Variants in KRT80 observed in about 807,000 individuals in gnomAD.
KRT80 encodes keratin, type II cytoskeletal 80.
Under a neutral mutation model 51.5 loss-of-function variants are expected in KRT80, and 36 were observed. The ratio of observed to expected loss-of-function variants is 0.70; its 90% CI spans 0.54 to 0.92. The LOEUF is 0.92. Among genes scored for constraint, KRT80 ranks in the 40% least tolerant of loss-of-function variants. The probability of loss-of-function intolerance (pLI) is 0.00; values close to 1 mark genes in which losing one functional copy is unlikely to be tolerated. For missense variants in KRT80, 566 were observed against 591.7 expected (o/e 0.96, Z 0.45); for synonymous variants, 235 against 248.3 (o/e 0.95, Z 0.50).
chr12:52,175,318 C>T (rs978581488), intron 4 of KRT80, among the ~76,000 whole-genome samples: 25 of 152,298 alleles, frequency 1.6e-4, no homozygotes, highest in South Asian at 2.1e-4. Flanking sequence ...CAATGTTCAA[C>T]GTGCTTCTTC....
intron 2 of KRT80, among the ~76,000 whole-genome samples, chr12:52,182,895 C>T (rs1462382704): frequency 6.6e-6 from 1 of 152,196 alleles, no homozygotes; most frequent in Non-Finnish European, 1.5e-5. Context: ...ACACTGGGTT[C>T]CAGTCTGCAG....
chr12:52,174,397 C>T (rs1941181937), intron 4 of KRT80, among the ~76,000 whole-genome samples: 1 of 152,240 alleles, frequency 6.6e-6, no homozygotes, highest in African/African-American at 2.4e-5. Flanking sequence ...CTGTGAGGAG[C>T]CTGGGCGCAG....
At chr12:52,174,735 A>G (rs948582614) in intron 4 of KRT80, among the ~76,000 whole-genome samples, 21 of 152,162 alleles carry the variant, frequency 1.4e-4, no homozygotes, top group African/African-American at 2.2e-4. Context: ...TAGCGGATGG[A>G]GACAAGGGGC....
chr12:52,174,952 C>T (rs963120780), intron 4 of KRT80, among the ~76,000 whole-genome samples: 15 of 152,030 alleles, frequency 9.9e-5, no homozygotes, highest in East Asian at 5.8e-4. Flanking sequence ...CAAGGCGAGT[C>T]GACTGAGAAT....
chr12:52,172,525 G>A, intron 6 of KRT80, 107 bp from the exon 7 acceptor site: 1 of 1,000,638 alleles, frequency 1.0e-6, no homozygotes, highest in South Asian at 1.7e-5. Flanking sequence ...TGGGGAGGGA[G>A]GGCTGAGCAA....
Position 52,185,586 on chromosome 12 carries a change from A to G in KRT80, c.302T>C (p.Val101Ala). Residue 101 changes from valine (V) to alanine (A), a missense_variant and splice_region_variant, in exon 2 of 9, where the codon GTG becomes GCG. Transcript: ENST00000394815. ...CTGGTTGCGCTGTTCCAGGGCTTGC[A>G]CCTGGGAGAGCAGGAAGGCGGCGAA... Reference protein sequence around the residue: ...NDKFASLIGKVQALEQRNQLL... With the variant: ...NDKFASLIGKAQALEQRNQLL... 2.5e-6 allele frequency: 4 copies of G among 1,607,042 alleles called. No homozygotes were observed. The highest frequency in any genetic ancestry group is 3.4e-6 in the Non-Finnish European group (4 of 1,179,852).
intron 1 of KRT80, 46 bp downstream of exon 1, chr12:52,191,557 C>G (rs1438000266): frequency 6.6e-7 from 1 of 1,519,208 alleles, no homozygotes; most frequent in Non-Finnish European, 8.9e-7. Flanking sequence ...GCTACCGGCC[C>G]AGGCCTGGCA....
Position 52,171,724 on chromosome 12 carries a change from G to C in KRT80, c.1179-11C>G, listed in dbSNP as rs1941107609. ...GAGGGCGAGTCCATCCTGGGGGTGGGGGACGGGGGGGTGGGAGAGGGATAT... is the reference window on the plus strand; with the variant it reads ...GAGGGCGAGTCCATCCTGGGGGTGGCGGACGGGGGGGTGGGAGAGGGATAT... On this transcript the variant is annotated splice_polypyrimidine_tract_variant and intron_variant, in intron 7 of 8. Coordinates refer to ENST00000394815, the MANE Select transcript of KRT80 (RefSeq NM_182507.3). 1.4e-6 allele frequency: 2 copies of C among 1,463,260 alleles called. No individual in the cohort carries two copies. The highest frequency in any genetic ancestry group is 2.4e-5 in the South Asian group (2 of 82,348). 90.6% of individuals were successfully genotyped at this position (1,463,260 alleles called of 1,614,324 possible). A position where few individuals can be genotyped will look rare whatever the true frequency, so the allele number is the denominator to read the frequency against.
rs544344930 is a variant in KRT80, at chr12:52,191,892, C to T, written c.11G>A (p.Arg4His). ...GCTGCTGAAGCCAACCACGCAGGAG[C>T]GGCAGGCCATGGTGCCCCCGGCCGG... is the stretch of plus-strand genomic sequence containing the variant. MAC[R>H]SCVVGFSSLS... The change falls in exon 1 of 9, where the codon CGC (arginine) becomes CAC (histidine). Residue 4 changes from arginine to histidine, a missense_variant. By Grantham distance (29) the Arg-to-His change is conservative (BLOSUM62 0). Transcript: ENST00000394815. 3.2e-5 allele frequency: 48 copies of T among 1,482,122 alleles called. No individual in the cohort carries two copies. The highest frequency in any genetic ancestry group is 4.3e-4 in the Middle Eastern group (2 of 4,610). The allele number at this position is 1,482,122 out of a possible 1,614,324, so 91.8% of individuals were successfully genotyped here.
chr12:52,185,712 C>G, intron 1 of KRT80, 125 bp from the exon 2 acceptor site: 1 of 1,522,858 alleles, frequency 6.6e-7, no homozygotes, highest in East Asian at 2.5e-5. Flanking sequence ...TGCACACCAC[C>G]CAGGGCGCTC....
At chr12:52,188,781 C>T (rs1426469918) in intron 1 of KRT80, among the ~76,000 whole-genome samples, 1 of 152,232 alleles carries the variant, frequency 6.6e-6, no homozygotes, top group African/African-American at 2.4e-5. Flanking sequence ...CCTCTTGCCT[C>T]TCTCTCCATC....
intron 1 of KRT80, chr12:52,185,839 G>A (rs1941396695): frequency 4.6e-6 from 3 of 654,894 alleles, no homozygotes; most frequent in East Asian, 3.2e-5. Flanking sequence ...GGCAGGGCAG[G>A]GCTGGCAGAG....
chr12:52,188,657 C>A (rs1941440280), intron 1 of KRT80, among the ~76,000 whole-genome samples: 1 of 152,202 alleles, frequency 6.6e-6, no homozygotes, highest in African/African-American at 2.4e-5. Flanking sequence ...ACACAGGCCT[C>A]GGTGAAGACA....
intron 2 of KRT80, among the ~76,000 whole-genome samples, chr12:52,181,563 A>T (rs1044314692): frequency 4.6e-5 from 7 of 152,140 alleles, no homozygotes; most frequent in Admixed American, 1.3e-4. Context: ...TCCTGCCTCT[A>T]AGGGGTAGGC....
chr12:52,182,229 C>A (rs568535331), intron 2 of KRT80, among the ~76,000 whole-genome samples: 1 of 152,272 alleles, frequency 6.6e-6, no homozygotes, highest in East Asian at 1.9e-4. Flanking sequence ...CTAGGCATCC[C>A]CAGAGAGAAC....
intron 4 of KRT80, among the ~76,000 whole-genome samples, chr12:52,174,575 CT>C (rs1941186971): frequency 6.6e-6 from 1 of 152,270 alleles, no homozygotes; most frequent in African/African-American, 2.4e-5. Flanking sequence ...GCAGGCTGGA[CT>C]GTGCGCTGAG....
Position 52,173,026 on chromosome 12 carries a change from C to A in KRT80, c.957+12G>T, listed in dbSNP as rs374792986. 2 of 1,600,868 alleles carry A rather than the reference C, an allele frequency of 1.2e-6. No homozygotes were observed. Among genetic ancestry groups the A allele is most frequent in the African/African-American group, 1.3e-5 (1 of 74,560 alleles). On this transcript the variant is annotated intron_variant, in intron 6 of 8. Transcript: ENST00000394815. The stretch of plus-strand genomic sequence containing the variant: ...TCCTCCCCGCCCCCAGGCGCGTCCC[C>A]CAGATACTCACATGGCTCTTGACAG...
At chr12:52,190,820 A>G (rs1365183295) in intron 1 of KRT80, among the ~76,000 whole-genome samples, 1 of 152,134 alleles carries the variant, frequency 6.6e-6, no homozygotes, top group East Asian at 1.9e-4. Flanking sequence ...AGATGAGTAA[A>G]GAACAGATTT....
intron 2 of KRT80, among the ~76,000 whole-genome samples, chr12:52,183,561 C>G (rs972378343): frequency 6.6e-6 from 1 of 152,110 alleles, no homozygotes; most frequent in Non-Finnish European, 1.5e-5. Context: ...CTTCCCAACT[C>G]GGGTGGGTTC....
Sources: allele counts gnomAD v4.1 joint callset (sites outside exome capture counted in the v4.1 genomes callset), GRCh38; gene constraint gnomAD v4.1.1; transcripts MANE v1.5; gene names NCBI Gene and HGNC (gene_info 2026-07-23, HGNC 2026-07-21).